NUMA1: variants seen among roughly 807,000 people sequenced by gnomAD.
The protein encoded by NUMA1 is nuclear mitotic apparatus protein 1, also known as SP-H antigen.
NUMA1 carries 62 observed loss-of-function variants against 237.1 expected under a neutral mutation model. The observed-to-expected ratio is 0.26, with a 90% CI of 0.21 to 0.32. NUMA1 has a LOEUF of 0.32. Ranked by LOEUF, NUMA1 falls within the 10% of genes least tolerant of loss-of-function variation. The pLI is 1.00. For synonymous variants in NUMA1, 1,028 were observed against 1,066.1 expected, an observed-to-expected ratio of 0.96 and a Z score of 0.70; for missense variants, 2,533 against 2,666.5, an observed-to-expected ratio of 0.95 and a Z score of 1.10.
chr11:72,062,381 A>T (rs1055667589), intron 2 of NUMA1, among the ~76,000 whole-genome samples: 4 of 152,146 alleles, frequency 2.6e-5, no homozygotes. Context: ...AATTTAACTT[A>T]ATCTAGAATT....
chr11:72,064,056 A>G (rs540466092), intron 2 of NUMA1, among the ~76,000 whole-genome samples: 2 of 152,350 alleles, frequency 1.3e-5, no homozygotes, highest in East Asian at 3.9e-4. Flanking sequence ...CATTAATAGA[A>G]TTATTTATCA....
chr11:72,044,868 A>G (rs1239850696), intron 2 of NUMA1, among the ~76,000 whole-genome samples: 1 of 151,950 alleles, frequency 6.6e-6, no homozygotes, highest in East Asian at 1.9e-4. Context: ...GGGTTTGACC[A>G]TGTTGGCCAG....
intron 16 of NUMA1, among the ~76,000 whole-genome samples, chr11:72,011,316 C>G (rs564523837): frequency 6.6e-6 from 1 of 152,356 alleles, no homozygotes; most frequent in Admixed American, 6.5e-5. Flanking sequence ...CAGACCTCTT[C>G]CCAACATCCA....
At chr11:72,054,632 T>C (rs1195014274) in intron 2 of NUMA1, among the ~76,000 whole-genome samples, 1 of 152,162 alleles carries the variant, frequency 6.6e-6, no homozygotes, top group African/African-American at 2.4e-5. Flanking sequence ...ATGAGGCTAA[T>C]AAGTAGCAGA....
At chr11:72,077,844 T>C (rs1259798818) in intron 1 of NUMA1, among the ~76,000 whole-genome samples, 1 of 125,094 alleles carries the variant, frequency 8.0e-6, no homozygotes, top group African/African-American at 3.0e-5. Context: ...AAACTGAAAG[T>C]GAAATAAAGA....
rs181629730 is a variant in NUMA1, at chr11:72,074,805, G to A, written c.-102-4894C>T. On this transcript the variant is annotated intron_variant, in intron 1 of 26. Coordinates refer to ENST00000393695, the MANE Select transcript of NUMA1 (RefSeq NM_006185.4). ...TCCCAGCACTTTGGGAGGCTGAGGC[G>A]GGTGGATCACCTGAGGTCAGGAGTT... 5.2e-3 allele frequency among the ~76,000 whole-genome samples: 790 copies of A among 151,830 alleles called. 13 individuals carry two copies. Among genetic ancestry groups the A allele is most frequent in the African/African-American group, 0.017 (719 of 41,366 alleles).
intron 2 of NUMA1, chr11:72,066,036 T>C (rs1434669515): frequency 1.3e-5 from 2 of 152,530 alleles, no homozygotes; most frequent in African/African-American, 4.8e-5. Flanking sequence ...CCGGGCGTGG[T>C]GGCTCATGCC....
At position 72,016,278 on chromosome 11, in the gene NUMA1, C is replaced by G. The variant is rs775173850; in HGVS notation, c.1243-18G>C. The G allele has an allele frequency of 7.6e-6, 12 of 1,586,736 alleles. No homozygotes were observed. The highest frequency in any genetic ancestry group is 1.0e-5 in the Non-Finnish European group (12 of 1,163,254). ...GTTTCCAGCTGGTGGTATAAAGAGA[C>G]AAACTGGGATCAGCATGACTCCTCA... On this transcript the variant is annotated intron_variant, in intron 14 of 26. Transcript: ENST00000393695.
In NUMA1 at chr11:72,035,918, G is replaced by GC; in HGVS notation, c.25dup (p.Ala9GlyfsTer14). The GC allele has an allele frequency of 6.2e-7, 1 of 1,613,988 alleles. No homozygotes were observed. Among genetic ancestry groups the GC allele is most frequent in the Non-Finnish European group, 8.5e-7 (1 of 1,179,956 alleles). Reference sequence around the variant, plus strand: ...ACTACTTACCCAAGAGAGGAGTGCAGCCCCCCGGGTGGCGTGGAGTGTCAT... The same window carrying GC: ...ACTACTTACCCAAGAGAGGAGTGCAGCCCCCCCGGGTGGCGTGGAGTGTCAT... On this transcript the variant is annotated frameshift_variant, in exon 3 of 27. Transcript: ENST00000393695. LOFTEE classifies it high-confidence loss of function.
chr11:72,069,624 A>G (rs576025375), intron 2 of NUMA1, among the ~76,000 whole-genome samples: 1 of 152,306 alleles, frequency 6.6e-6, no homozygotes, highest in East Asian at 1.9e-4. Flanking sequence ...AGCAAGGGCC[A>G]ATGAAAACCT....
At chr11:72,029,382 T>A in intron 3 of NUMA1, 92 bp from the exon 4 acceptor site, 1 of 702,406 alleles carries the variant, frequency 1.4e-6, no homozygotes, top group Non-Finnish European at 2.4e-6. Context: ...CTTACAGTTG[T>A]AGACTATAGG....
At chr11:72,078,644 C>T (rs1384020941) in intron 1 of NUMA1, among the ~76,000 whole-genome samples, 1 of 152,240 alleles carries the variant, frequency 6.6e-6, no homozygotes, top group Non-Finnish European at 1.5e-5. Context: ...CCGCTTTTCG[C>T]TGTGAACTAA....
At chr11:72,036,927 A>T (rs1029079417) in intron 2 of NUMA1, among the ~76,000 whole-genome samples, 2 of 152,200 alleles carry the variant, frequency 1.3e-5, no homozygotes, top group Non-Finnish European at 2.9e-5. Context: ...ACACGTGCTC[A>T]GTCTGTAATT....
intron 1 of NUMA1, among the ~76,000 whole-genome samples, chr11:72,074,070 T>C (rs1253092638): frequency 6.6e-6 from 1 of 152,112 alleles, no homozygotes; most frequent in East Asian, 1.9e-4. Flanking sequence ...GGCGCATGCC[T>C]GTAATCCCAG....
At chr11:72,004,532 G>T in intron 24 of NUMA1, 108 bp downstream of exon 24, 1 of 1,300,804 alleles carries the variant, frequency 7.7e-7, no homozygotes, top group Non-Finnish European at 1.1e-6. Flanking sequence ...GAGAGGGAAA[G>T]AGAGGGGGAA....
In NUMA1 at chr11:72,036,947, G is replaced by A. The variant is rs559090264; in HGVS notation, c.-32-972C>T. 5.9e-5 allele frequency among the ~76,000 whole-genome samples: 9 copies of A among 152,280 alleles called. No homozygotes were observed. In the East Asian group the frequency reaches 1.7e-3, roughly 29 times the overall value. Reference sequence around the variant, plus strand: ...TGCTCAGTCTGTAATTACTCTAGAAGGAGGAACAAGAGTGGTAAGAGCCAC... The same window carrying A: ...TGCTCAGTCTGTAATTACTCTAGAAAGAGGAACAAGAGTGGTAAGAGCCAC... On this transcript the variant is annotated intron_variant, in intron 2 of 26. Coordinates refer to ENST00000393695, the MANE Select transcript of NUMA1 (RefSeq NM_006185.4).
chr11:72,034,334 ATATTT>A (rs1159249157), intron 3 of NUMA1, among the ~76,000 whole-genome samples: 6 of 152,164 alleles, frequency 3.9e-5, no homozygotes, highest in East Asian at 1.9e-4. Flanking sequence ...ACCCCATGAG[ATATTT>A]TATTTTATTT....
rs78266495 is a variant in NUMA1, at chr11:72,010,711, C to A, written c.4719+75G>T. 5.7e-4 allele frequency: 843 copies of A among 1,470,362 alleles called. 2 individuals carry two copies. The highest frequency in any genetic ancestry group is 8.4e-4 in the Middle Eastern group (4 of 4,764). 91.1% of individuals were successfully genotyped at this position (1,470,362 alleles called of 1,614,324 possible). Reference sequence around the variant, plus strand: ...GTGCCCCTCTTCTGCCCCGACACCCCCCACGGCCCCAGAGCTTAGAGAATA... The same window carrying A: ...GTGCCCCTCTTCTGCCCCGACACCCACCACGGCCCCAGAGCTTAGAGAATA... On this transcript the variant is annotated intron_variant, in intron 17 of 26. Coordinates refer to ENST00000393695, the MANE Select transcript of NUMA1 (RefSeq NM_006185.4).
chr11:72,008,913 G>A (rs1224069545), intron 19 of NUMA1, 54 bp downstream of exon 19: 2 of 1,612,002 alleles, frequency 1.2e-6, no homozygotes, highest in African/African-American at 1.3e-5. Context: ...GGAGGAGAGG[G>A]CACAGGGGTC....
Sources: gnomAD v4.1 joint callset for allele counts (sites outside exome capture counted in the v4.1 genomes callset) on GRCh38, gnomAD v4.1.1 for gene constraint, MANE v1.5 for transcripts, NCBI Gene and HGNC (gene_info 2026-07-23, HGNC 2026-07-21) for gene names.